CTNND2: variants seen among roughly 807,000 people sequenced by gnomAD.
The protein encoded by CTNND2 is catenin delta-2.
In CTNND2, 22 loss-of-function variants were observed where a neutral mutation model predicts 144.4. The ratio of observed to expected loss-of-function variants is 0.15; its 90% CI spans 0.11 to 0.22. The LOEUF (loss-of-function observed/expected upper bound fraction) is 0.22. Among genes scored for constraint, CTNND2 ranks in the 10% least tolerant of loss-of-function variants. The probability of loss-of-function intolerance (pLI) is 1.00; values close to 1 mark genes in which losing one functional copy is unlikely to be tolerated. For synonymous variants in CTNND2, 751 were observed against 695.6 expected (o/e 1.08, Z -1.25); for missense variants, 1,353 against 1,618.8 (o/e 0.84, Z 2.82).
intron 15 of CTNND2, among the ~76,000 whole-genome samples, chr5:11,096,462 G>C (rs1176064745): frequency 1.3e-5 from 2 of 152,110 alleles, no homozygotes; most frequent in East Asian, 3.8e-4. Context: ...ATGGTTTCCA[G>C]CTCCATCCAT....
At chr5:11,018,647 G>A (rs920937912) in intron 17 of CTNND2, among the ~76,000 whole-genome samples, 12 of 150,488 alleles carry the variant, frequency 8.0e-5, no homozygotes, top group Admixed American at 3.3e-4. Context: ...TTGGATAAAA[G>A]ATCATATCAA....
At chr5:11,588,852 G>A (rs1581570507) in intron 2 of CTNND2, 1 of 985,360 alleles carries the variant, frequency 1.0e-6, no homozygotes, top group Non-Finnish European at 1.2e-6. Flanking sequence ...CCAGGCTGTG[G>A]AGCAGGCGGT....
chr5:11,844,316 A>T lies in CTNND2; in HGVS notation c.37+59501T>A, dbSNP rs577041850. 4.6e-5 allele frequency among the ~76,000 whole-genome samples: 7 copies of T among 152,248 alleles called. No homozygotes were observed. In the South Asian group the frequency reaches 1.4e-3, roughly 32 times the overall value. ...CTTTTAAAGTTCATAGAGAGATCTA[A>T]CGTGAGTGCATTGTAAATATCTTGA... On this transcript the variant is annotated intron_variant, in intron 1 of 21. Transcript: ENST00000304623.
chr5:11,366,901 G>A (rs1757035854), intron 7 of CTNND2, among the ~76,000 whole-genome samples: 1 of 152,142 alleles, frequency 6.6e-6, no homozygotes, highest in Admixed American at 6.5e-5. Context: ...TTGGCATTCA[G>A]AAATTTTCAT....
At chr5:11,496,133 A>T (rs1769913964) in intron 3 of CTNND2, among the ~76,000 whole-genome samples, 1 of 152,124 alleles carries the variant, frequency 6.6e-6, no homozygotes, top group Non-Finnish European at 1.5e-5. Flanking sequence ...GTCTCTCCTT[A>T]CCTGGATAAA....
intron 2 of CTNND2, among the ~76,000 whole-genome samples, chr5:11,656,681 G>T (rs1019863200): frequency 6.6e-6 from 1 of 152,122 alleles, no homozygotes; most frequent in African/African-American, 2.4e-5. Context: ...GCAGGTGAGT[G>T]TTAATGCAGA....
At chr5:11,070,496 T>C (rs193127883) in intron 16 of CTNND2, among the ~76,000 whole-genome samples, 1 of 152,266 alleles carries the variant, frequency 6.6e-6, no homozygotes, top group Admixed American at 6.5e-5. Context: ...TATCATGTAG[T>C]GTAATATACA....
chr5:11,300,581 G>A (rs1340476625), intron 9 of CTNND2, among the ~76,000 whole-genome samples: 2 of 151,414 alleles, frequency 1.3e-5, no homozygotes, highest in Non-Finnish European at 2.9e-5. Flanking sequence ...GATTTAGCAA[G>A]TAATACAGGA....
chr5:11,301,975 C>T (rs1202967502), intron 9 of CTNND2, among the ~76,000 whole-genome samples: 2 of 152,146 alleles, frequency 1.3e-5, no homozygotes, highest in South Asian at 4.1e-4. Flanking sequence ...AGTGGGTAAA[C>T]TGGAGGAGGG....
intron 10 of CTNND2, among the ~76,000 whole-genome samples, chr5:11,207,679 A>G (rs1738194590): frequency 6.6e-6 from 1 of 152,124 alleles, no homozygotes; most frequent in African/African-American, 2.4e-5. Flanking sequence ...CTGGACTCCA[A>G]ACCCACCACT....
intron 13 of CTNND2, among the ~76,000 whole-genome samples, chr5:11,113,554 A>G (rs1442241554): frequency 6.6e-6 from 1 of 152,226 alleles, no homozygotes; most frequent in African/African-American, 2.4e-5. Flanking sequence ...AACCATGGAA[A>G]GCGGAGAAAA....
intron 3 of CTNND2, among the ~76,000 whole-genome samples, chr5:11,453,169 T>C (rs2149916767): frequency 1.3e-5 from 2 of 152,348 alleles, no homozygotes; most frequent in South Asian, 4.1e-4. Context: ...CTGTCCCCTC[T>C]GCAAGATGCC....
intron 3 of CTNND2, among the ~76,000 whole-genome samples, chr5:11,515,015 C>T (rs756121442): frequency 1.3e-5 from 2 of 150,776 alleles, no homozygotes; most frequent in African/African-American, 4.9e-5. Flanking sequence ...TGTGTTCTAA[C>T]GTTTGTGTCA....
At chr5:11,622,142 TACAA>T (rs999682949) in intron 2 of CTNND2, among the ~76,000 whole-genome samples, 3 of 152,138 alleles carry the variant, frequency 2.0e-5, no homozygotes, top group Non-Finnish European at 4.4e-5. Flanking sequence ...CTTTGGGATT[TACAA>T]ACAATTACCC....
intron 16 of CTNND2, among the ~76,000 whole-genome samples, chr5:11,065,391 T>C (rs1266047904): frequency 6.6e-6 from 1 of 152,248 alleles, no homozygotes; most frequent in Non-Finnish European, 1.5e-5. Flanking sequence ...TGTGTATACT[T>C]TAAATATTTA....
chr5:11,184,080 TAA>T (rs1268201949), intron 11 of CTNND2, among the ~76,000 whole-genome samples: 1 of 152,240 alleles, frequency 6.6e-6, no homozygotes, highest in Non-Finnish European at 1.5e-5. Context: ...TTTTGGTTAA[TAA>T]AAGTGTTTCT....
chr5:11,003,456 G>A (rs1218178945), intron 18 of CTNND2, among the ~76,000 whole-genome samples: 1 of 152,184 alleles, frequency 6.6e-6, no homozygotes, highest in Admixed American at 6.5e-5. Flanking sequence ...TTGAGTGGAA[G>A]AAACCTATTA....
At chr5:11,458,230 T>C (rs1331920535) in intron 3 of CTNND2, among the ~76,000 whole-genome samples, 1 of 152,168 alleles carries the variant, frequency 6.6e-6, no homozygotes, top group African/African-American at 2.4e-5. Context: ...AGCTAAAATA[T>C]ATGACTGTGG....
At chr5:11,727,463 G>T (rs1036836869) in intron 2 of CTNND2, among the ~76,000 whole-genome samples, 2 of 152,044 alleles carry the variant, frequency 1.3e-5, no homozygotes, top group African/African-American at 4.8e-5. Flanking sequence ...TCAAACAGAT[G>T]ATCACTATTC....
Sources: gnomAD v4.1 joint callset for allele counts (sites outside exome capture counted in the v4.1 genomes callset) on GRCh38, gnomAD v4.1.1 for gene constraint, MANE v1.5 for transcripts, NCBI Gene and HGNC (gene_info 2026-07-23, HGNC 2026-07-21) for gene names.